Variants in TPST1 observed in about 807,000 individuals in gnomAD.
The protein encoded by TPST1 is tyrosylprotein sulfotransferase 1, also known as protein-tyrosine sulfotransferase 1.
TPST1 carries 20 observed loss-of-function variants against 34.8 expected under a neutral mutation model. The ratio of observed to expected loss-of-function variants is 0.57; its 90% CI spans 0.40 to 0.84. The LOEUF (loss-of-function observed/expected upper bound fraction) is 0.84. Among genes scored for constraint, TPST1 ranks in the 40% least tolerant of loss-of-function variants. TPST1 has a pLI of 0.00. For missense variants in TPST1, 353 were observed against 455.5 expected (o/e 0.78, Z 2.05); for synonymous variants, 152 against 159.4 (o/e 0.95, Z 0.35).
chr7:66,232,201 A>AC (rs1491567621), intron 1 of TPST1, among the ~76,000 whole-genome samples: 1 of 113,900 alleles, frequency 8.8e-6, no homozygotes, highest in African/African-American at 3.5e-5. Flanking sequence ...ATTAAAAAAA[A>AC]TTTTTTTTTT....
In TPST1 at chr7:66,259,921, T is replaced by C. The variant is rs78148528; in HGVS notation, c.845+18651T>C. Among the ~76,000 whole-genome samples the C allele has an allele frequency of 5.3e-4, 81 of 152,318 alleles. 2 individuals carry two copies. In the East Asian group the frequency reaches 0.014, roughly 26 times the overall value. On this transcript the variant is annotated intron_variant, in intron 2 of 5. Coordinates refer to ENST00000304842, the MANE Select transcript of TPST1 (RefSeq NM_003596.4). The stretch of plus-strand genomic sequence containing the variant: ...CTCCGTGTTCCCCCTATTTATCCTT[T>C]CCTTTTTCAGCCCCTTGGCAACCAC...
chr7:66,203,413 A>G (rs549388153), upstream of TPST1, among the ~76,000 whole-genome samples: 1 of 151,490 alleles, frequency 6.6e-6, no homozygotes, highest in South Asian at 2.1e-4. Flanking sequence ...TCAGCTGATT[A>G]TCTGTAGAAG....
chr7:66,316,123 A>AG (rs1791628308), intron 3 of TPST1, among the ~76,000 whole-genome samples: 1 of 152,140 alleles, frequency 6.6e-6, no homozygotes, highest in African/African-American at 2.4e-5. Flanking sequence ...AAAAAAAAAA[A>AG]AAATTCTGAT....
At chr7:66,237,870 G>T (rs1357944615) in intron 1 of TPST1, among the ~76,000 whole-genome samples, 1 of 152,144 alleles carries the variant, frequency 6.6e-6, no homozygotes, top group Non-Finnish European at 1.5e-5. Context: ...TGAGGGTCGG[G>T]TTGCTGTTTC....
chr7:66,315,016 C>CT (rs1438178579), intron 3 of TPST1, among the ~76,000 whole-genome samples: 1 of 152,126 alleles, frequency 6.6e-6, no homozygotes, highest in Non-Finnish European at 1.5e-5. Flanking sequence ...GAAAATGCTG[C>CT]TTTTTTCCAA....
chr7:66,268,772 T>C (rs1790640685), intron 2 of TPST1, among the ~76,000 whole-genome samples: 1 of 152,042 alleles, frequency 6.6e-6, no homozygotes, highest in South Asian at 2.1e-4. Flanking sequence ...CACTGCAACC[T>C]CTGCCTCTCA....
intron 3 of TPST1, among the ~76,000 whole-genome samples, chr7:66,348,921 G>A (rs1487060755): frequency 1.3e-5 from 2 of 151,848 alleles, no homozygotes; most frequent in African/African-American, 2.4e-5. Context: ...CAGTAACATC[G>A]CATACCTAGG....
chr7:66,214,033 A>G (rs1267699839), intron 1 of TPST1, among the ~76,000 whole-genome samples: 2 of 152,330 alleles, frequency 1.3e-5, no homozygotes, highest in East Asian at 3.9e-4. Context: ...TATAATTCAC[A>G]TGCCACATGT....
rs1790277678 is a variant in TPST1 at position 66,252,217 on chromosome 7, C to T, written c.845+10947C>T. Reference sequence around the variant, plus strand: ...GGACTACAGGCGCCTGCCACCACACCCGGCTATTTTTTTGTATTTTTTAGT... The same window carrying T: ...GGACTACAGGCGCCTGCCACCACACTCGGCTATTTTTTTGTATTTTTTAGT... On this transcript the variant is annotated intron_variant, in intron 2 of 5. Coordinates refer to ENST00000304842, the MANE Select transcript of TPST1 (RefSeq NM_003596.4). Among the ~76,000 whole-genome samples the T allele has an allele frequency of 2.6e-5, 4 of 151,822 alleles. 1 individual carries two copies. Among genetic ancestry groups the T allele is most frequent in the African/African-American group, 9.7e-5 (4 of 41,294 alleles).
intron 3 of TPST1, among the ~76,000 whole-genome samples, chr7:66,326,390 C>T (rs1380288720): frequency 6.6e-6 from 1 of 152,122 alleles, no homozygotes; most frequent in African/African-American, 2.4e-5. Flanking sequence ...AAAAGTTCCC[C>T]AGTTTGAGAA....
chr7:66,299,827 C>T (rs1246917489), intron 3 of TPST1, among the ~76,000 whole-genome samples: 1 of 152,134 alleles, frequency 6.6e-6, no homozygotes, highest in Non-Finnish European at 1.5e-5. Context: ...TCTTCATCCA[C>T]GGATCTCTCC....
intron 1 of TPST1, among the ~76,000 whole-genome samples, chr7:66,230,580 G>A (rs1158984208): frequency 3.3e-5 from 5 of 152,120 alleles, no homozygotes; most frequent in Non-Finnish European, 7.3e-5. Flanking sequence ...CGTTCCTCCC[G>A]GTGGGCTTGT....
chr7:66,261,648 A>T (rs927488596), intron 2 of TPST1, among the ~76,000 whole-genome samples: 18 of 152,172 alleles, frequency 1.2e-4, no homozygotes, highest in African/African-American at 4.3e-4. Flanking sequence ...TATTTAAAAA[A>T]ATATATTTAA....
chr7:66,315,815 G>T (rs1486243128), intron 3 of TPST1, among the ~76,000 whole-genome samples: 1 of 150,504 alleles, frequency 6.6e-6, no homozygotes, highest in East Asian at 2.0e-4. Flanking sequence ...AGAATAACAA[G>T]AAAAAAAAAT....
chr7:66,303,984 C>T lies in TPST1; in HGVS notation c.1044+17275C>T, dbSNP rs2116062690. ...TGCTCCATTACCCAGAGGCAAAGCC[C>T]CAGAGGTTGTGGCAGCACTTTATGA... On this transcript the variant is annotated intron_variant, in intron 3 of 5. Coordinates refer to ENST00000304842, the MANE Select transcript of TPST1 (RefSeq NM_003596.4). 1.3e-5 allele frequency among the ~76,000 whole-genome samples: 2 copies of T among 152,232 alleles called. 1 individual carries two copies.
chr7:66,200,896 T>A (rs1206302999), upstream of TPST1, among the ~76,000 whole-genome samples: 3 of 151,870 alleles, frequency 2.0e-5, no homozygotes, highest in Non-Finnish European at 4.4e-5. Context: ...CCTGGCTAAT[T>A]TTTGTGTTTT....
rs567745220 is a variant in TPST1 at position 66,356,735 on chromosome 7, C to T, written c.1096-90C>T. 1.0e-4 allele frequency: 147 copies of T among 1,466,230 alleles called. 2 individuals are homozygous for T. Among genetic ancestry groups the T allele is most frequent in the Middle Eastern group, 5.2e-4 (3 of 5,818 alleles). 90.8% of individuals were successfully genotyped at this position (1,466,230 alleles called of 1,614,324 possible). On this transcript the variant is annotated intron_variant, in intron 4 of 5. Coordinates refer to ENST00000304842, the MANE Select transcript of TPST1 (RefSeq NM_003596.4). ...TTCATCTGAAAGTGAACAGAGCCTG[C>T]GGGCCACCCCTCATGTTTCAGTGGG...
intron 3 of TPST1, among the ~76,000 whole-genome samples, chr7:66,337,094 T>TA (rs1173209866): frequency 6.6e-6 from 1 of 152,060 alleles, no homozygotes; most frequent in African/African-American, 2.4e-5. Flanking sequence ...AGACCTGTCT[T>TA]ACAAAAAATG....
intron 2 of TPST1, among the ~76,000 whole-genome samples, chr7:66,248,509 T>TG (rs1398227028): frequency 1.3e-5 from 2 of 149,632 alleles, no homozygotes; most frequent in African/African-American, 4.9e-5. Context: ...TAGTGTTTTT[T>TG]TTTTTTTTTT....
Sources: gnomAD v4.1 joint callset for allele counts (sites outside exome capture counted in the v4.1 genomes callset) on GRCh38, gnomAD v4.1.1 for gene constraint, MANE v1.5 for transcripts, NCBI Gene and HGNC (gene_info 2026-07-23, HGNC 2026-07-21) for gene names.